Variants in SFMBT2 observed in about 807,000 individuals in gnomAD.
SFMBT2 encodes the protein scm-like with four MBT domains protein 2.
SFMBT2 carries 38 observed loss-of-function variants against 110.1 expected under a neutral mutation model. The observed-to-expected ratio is 0.35, with a 90% CI of 0.27 to 0.45. The LOEUF is 0.45. SFMBT2 is among the 20% of genes least tolerant of loss of function. The probability of loss-of-function intolerance (pLI) is 1.00; values close to 1 mark genes in which losing one functional copy is unlikely to be tolerated. For synonymous variants in SFMBT2, 425 were observed against 425.4 expected, an observed-to-expected ratio of 1.00 and a Z score of 0.01; for missense variants, 1,011 against 1,094.9, an observed-to-expected ratio of 0.92 and a Z score of 1.08.
intron 7 of SFMBT2, among the ~76,000 whole-genome samples, chr10:7,251,660 C>T (rs1840815770): frequency 6.6e-6 from 1 of 152,222 alleles, no homozygotes; most frequent in South Asian, 2.1e-4. Flanking sequence ...CTCAGCAAGT[C>T]TAAGCAGTCA....
chr10:7,378,089 G>T (rs995121227), intron 2 of SFMBT2, among the ~76,000 whole-genome samples: 9 of 148,936 alleles, frequency 6.0e-5, no homozygotes, highest in African/African-American at 2.2e-4. Flanking sequence ...ATGTGGATGG[G>T]TGTGTGTGAG....
chr10:7,315,698 A>C (rs1360382394), intron 4 of SFMBT2, among the ~76,000 whole-genome samples: 1 of 152,224 alleles, frequency 6.6e-6, no homozygotes, highest in East Asian at 1.9e-4. Context: ...TGACTAGTCC[A>C]TATGCCAAAT....
chr10:7,267,843 G>C (rs1312794577), intron 7 of SFMBT2, among the ~76,000 whole-genome samples: 1 of 152,176 alleles, frequency 6.6e-6, no homozygotes, highest in Non-Finnish European at 1.5e-5. Flanking sequence ...TTTCAGGTAT[G>C]TCCCTTCCTT....
At chr10:7,298,280 C>A (rs1842461878) in intron 4 of SFMBT2, among the ~76,000 whole-genome samples, 1 of 152,194 alleles carries the variant, frequency 6.6e-6, no homozygotes, top group Non-Finnish European at 1.5e-5. Context: ...CAAACCCTGA[C>A]CATGACGTCC....
chr10:7,205,496 A>G (rs1839099409), intron 12 of SFMBT2: 7 of 981,412 alleles, frequency 7.1e-6, no homozygotes, highest in Non-Finnish European at 8.4e-6. Context: ...ATGGTAACAC[A>G]ATAATATAGT....
intron 1 of SFMBT2, among the ~76,000 whole-genome samples, chr10:7,389,341 C>T (rs1476277268): frequency 6.6e-6 from 1 of 152,082 alleles, no homozygotes; most frequent in Admixed American, 6.6e-5. Flanking sequence ...AACTACAACA[C>T]CCTAACCCCC....
intron 15 of SFMBT2, among the ~76,000 whole-genome samples, chr10:7,192,736 C>T (rs964314951): frequency 1.3e-5 from 2 of 152,172 alleles, no homozygotes; most frequent in Non-Finnish European, 2.9e-5. Context: ...TGCAGGTGAC[C>T]AGGAGCCAGA....
chr10:7,392,038 C>A (rs989141381), intron 1 of SFMBT2, among the ~76,000 whole-genome samples: 42 of 152,308 alleles, frequency 2.8e-4, no homozygotes, highest in Admixed American at 1.3e-3. Context: ...AGAAATCCTA[C>A]ATCTCTGATG....
intron 14 of SFMBT2, among the ~76,000 whole-genome samples, chr10:7,198,539 T>C (rs1285966777): frequency 4.6e-5 from 7 of 152,220 alleles, no homozygotes; most frequent in Admixed American, 6.5e-5. Flanking sequence ...ATGGAAGGGC[T>C]CCTGTAGTCC....
At chr10:7,243,735 G>A (rs961934456) in intron 8 of SFMBT2, 30 bp from the exon 9 acceptor site, 5 of 859,104 alleles carry the variant, frequency 5.8e-6, no homozygotes, top group Non-Finnish European at 1.0e-5. Flanking sequence ...GGAGCCAAAG[G>A]TTAATTCTTT....
In SFMBT2 at chr10:7,172,625, G is replaced by C; in HGVS notation, c.2021C>G (p.Pro674Arg). The change falls in exon 18 of 21, where the codon CCC (proline) becomes CGC (arginine). Residue 674 changes from proline to arginine, a missense_variant. Physicochemically the swap from Pro to Arg is moderately radical, Grantham distance 103. Transcript: ENST00000397167. This position sits in a 1 kb window ranked among gnomAD's most constrained non-coding sequence, Gnocchi z 4.6. ...YYGKRKKISK[P>R]PIGESNPDSG... is the part of the protein sequence containing the mutation. ...GTCGGGGTTGCTTTCCCCGATGGGGGGCTTGGAGATCTTCTTTCTCTTTCC... is the reference window on the plus strand; with the variant it reads ...GTCGGGGTTGCTTTCCCCGATGGGGCGCTTGGAGATCTTCTTTCTCTTTCC... 6.2e-7 allele frequency: 1 copy of C among 1,614,180 alleles called. No homozygotes were observed. The highest frequency in any genetic ancestry group is 8.5e-7 in the Non-Finnish European group (1 of 1,180,028).
chr10:7,209,627 C>A (rs181731942), intron 11 of SFMBT2, among the ~76,000 whole-genome samples: 1 of 152,328 alleles, frequency 6.6e-6, no homozygotes, highest in Admixed American at 6.5e-5. Flanking sequence ...GTGCAGAACA[C>A]TGTGCATATA....
At chr10:7,333,082 G>C (rs1843612295) in intron 4 of SFMBT2, among the ~76,000 whole-genome samples, 1 of 152,118 alleles carries the variant, frequency 6.6e-6, no homozygotes, top group South Asian at 2.1e-4. Flanking sequence ...GGCCAGGCTG[G>C]TCTCAAACTC....
rs774107630 is a variant in SFMBT2 at position 7,381,775 on chromosome 10, T to C, written c.100+24A>G. 146 of 1,607,764 alleles carry C rather than the reference T, an allele frequency of 9.1e-5. 1 individual carries two copies. Among genetic ancestry groups the C allele is most frequent in the Middle Eastern group, 8.3e-4 (5 of 6,034 alleles). The stretch of plus-strand genomic sequence containing the variant: ...TTGATCAATTCATCAAAAATCCAGA[T>C]GAATCTCGAAAACAAAATCCTACCA... On this transcript the variant is annotated intron_variant, in intron 2 of 20. Transcript: ENST00000397167.
At position 7,220,535 on chromosome 10, in the gene SFMBT2, T is replaced by C. The variant is rs765977611; in HGVS notation, c.1206A>G (p.Thr402=). 14 of 1,614,114 alleles carry C rather than the reference T, an allele frequency of 8.7e-6. No individual in the cohort carries two copies. The highest frequency in any genetic ancestry group is 4.4e-5 in the South Asian group (4 of 91,082). The change falls in exon 11 of 21, where the codon ACA becomes ACG. Residue 402 remains threonine (T), a splice_region_variant and synonymous_variant. Transcript: ENST00000397167. ...QEAPPFCFRN[T]SFSRGFTKNM... Reference sequence around the variant, plus strand: ...TCTTTGTGAAACCTCGACTGAATGATGTCTGCAAGAGAAACGAGACCAACA... The same window carrying C: ...TCTTTGTGAAACCTCGACTGAATGACGTCTGCAAGAGAAACGAGACCAACA...
rs767505778 is a variant in SFMBT2 at position 7,220,408 on chromosome 10, T to C, written c.1330+3A>G. The C allele has an allele frequency of 2.5e-6, 4 of 1,613,788 alleles. No individual in the cohort carries two copies. The South Asian group carries it at 4.4e-5, about 18-fold the overall frequency. ...GCGACTGCTACCCCCAGCGAGTACG[T>C]ACCTTCCAGGTGAAGCCACATTAGC... On this transcript the variant is annotated splice_donor_region_variant and intron_variant, in intron 11 of 20. Coordinates refer to ENST00000397167, the MANE Select transcript of SFMBT2 (RefSeq NM_001387889.1).
chr10:7,349,373 G>A (rs868203550), intron 4 of SFMBT2, among the ~76,000 whole-genome samples: 3 of 150,248 alleles, frequency 2.0e-5, no homozygotes, highest in African/African-American at 4.9e-5. Flanking sequence ...AGAACACCCT[G>A]TGGGCAGGAC....
chr10:7,268,662 C>G (rs552796508), intron 7 of SFMBT2, among the ~76,000 whole-genome samples: 5 of 152,180 alleles, frequency 3.3e-5, no homozygotes, highest in Admixed American at 2.0e-4. Flanking sequence ...AGGTGCCCAC[C>G]ACCACGCCCA....
chr10:7,320,343 T>C (rs1481878617), intron 4 of SFMBT2, among the ~76,000 whole-genome samples: 1 of 152,222 alleles, frequency 6.6e-6, no homozygotes, highest in Non-Finnish European at 1.5e-5. Context: ...CTCTACCATC[T>C]TGCCCCGCGG....
Sources: gnomAD v4.1 joint callset for allele counts (sites outside exome capture counted in the v4.1 genomes callset) on GRCh38, gnomAD v4.1.1 for gene constraint, Gnocchi (gnomAD v3.1) non-coding constraint, MANE v1.5 for transcripts, NCBI Gene and HGNC (gene_info 2026-07-23, HGNC 2026-07-21) for gene names.